The following YIPF7 variants were observed in gnomAD, a reference collection of about 807,000 sequenced individuals.
YIPF7 encodes protein YIPF7.
A neutral mutation model predicts 27.2 loss-of-function variants in YIPF7; 35 were observed. That is an observed-to-expected ratio of 1.29 (90% CI 0.98 to 1.70). The LOEUF (loss-of-function observed/expected upper bound fraction) is 1.70, where lower values mean the gene tolerates loss of function less well. YIPF7 is among the 40% of genes most tolerant of loss of function. The pLI, the probability that YIPF7 is intolerant of heterozygous loss-of-function variation, is 0.00. For missense variants in YIPF7, 358 were observed against 303.7 expected (o/e 1.18, Z -1.33); for synonymous variants, 137 against 110.4 (o/e 1.24, Z -1.51).
intron 5 of YIPF7, among the ~76,000 whole-genome samples, 175 bp downstream of exon 5, chr4:44,624,426 C>G (rs1477688585): frequency 1.3e-5 from 2 of 152,078 alleles, no homozygotes; most frequent in African/African-American, 2.4e-5. Context: ...GAAGTAAGAA[C>G]AGCACCTGGG....
rs11461675 is a variant in YIPF7 at position 44,660,113 on chromosome 4, C to CAAAAAAA, written c.-2+329_-2+335dup. On this transcript the variant is annotated intron_variant, in intron 2 of 2. Coordinates refer to the YIPF7 transcript ENST00000508947. ...TGGGTGACAGAGCAAGACTCTGTCT[C>CAAAAAAA]AAAAAAAAAAAAAAAAAAAAAAACG... Among the ~76,000 whole-genome samples the CAAAAAAA allele has an allele frequency of 2.8e-3, 72 of 25,516 alleles. 13 individuals are homozygous for CAAAAAAA. Among genetic ancestry groups the CAAAAAAA allele is most frequent in the African/African-American group, 5.4e-3 (47 of 8,690 alleles). 16.7% of individuals were successfully genotyped at this position (25,516 alleles called of 152,430 possible).
chr4:44,658,622 G>A (rs1429422144), intron 2 of YIPF7, among the ~76,000 whole-genome samples: 8 of 152,144 alleles, frequency 5.3e-5, no homozygotes, highest in Admixed American at 5.2e-4. Flanking sequence ...TGTGCAAGAC[G>A]ATCCAATGGA....
intron 2 of YIPF7, among the ~76,000 whole-genome samples, chr4:44,640,386 A>C (rs906975991): frequency 3.3e-5 from 5 of 152,200 alleles, no homozygotes; most frequent in African/African-American, 9.7e-5. Context: ...TTGAGGGCCA[A>C]AGCCAGATGG....
At chr4:44,624,424 A>T (rs1435918457) in intron 5 of YIPF7, among the ~76,000 whole-genome samples, 177 bp downstream of exon 5, 1 of 152,144 alleles carries the variant, frequency 6.6e-6, no homozygotes, top group East Asian at 1.9e-4. Context: ...TTGAAGTAAG[A>T]ACAGCACCTG....
chr4:44,656,994 C>T (rs370383944), intron 2 of YIPF7, among the ~76,000 whole-genome samples: 1 of 152,094 alleles, frequency 6.6e-6, no homozygotes, highest in Admixed American at 6.6e-5. Context: ...AAATTCTTCA[C>T]AATGTTCTGT....
intron 2 of YIPF7, among the ~76,000 whole-genome samples, chr4:44,646,965 G>C (rs575442908): frequency 6.6e-6 from 1 of 152,276 alleles, no homozygotes; most frequent in Admixed American, 6.5e-5. Flanking sequence ...ATGAATAAAA[G>C]ATCAAATCTC....
intron 1 of YIPF7, among the ~76,000 whole-genome samples, chr4:44,651,064 T>G (rs1713723888): frequency 6.6e-6 from 1 of 152,220 alleles, no homozygotes. Context: ...ATGCTTATAA[T>G]AATCTATGGA....
chr4:44,649,142 A>G (rs1349841680), intron 2 of YIPF7, among the ~76,000 whole-genome samples: 2 of 152,192 alleles, frequency 1.3e-5, no homozygotes, highest in Non-Finnish European at 2.9e-5. Flanking sequence ...CTGAAACACA[A>G]GCAGAATCTC....
At chr4:44,635,755 A>C (rs1713092013) in intron 3 of YIPF7, among the ~76,000 whole-genome samples, 167 bp downstream of exon 3, 1 of 152,222 alleles carries the variant, frequency 6.6e-6, no homozygotes, top group African/African-American at 2.4e-5. Flanking sequence ...GCAAACATGC[A>C]ACAAACTTCC....
intron 2 of YIPF7, among the ~76,000 whole-genome samples, chr4:44,646,851 C>T (rs1392954753): frequency 1.3e-5 from 2 of 152,080 alleles, no homozygotes; most frequent in African/African-American, 4.8e-5. Flanking sequence ...GAAACAGAAG[C>T]TGAATGACTG....
intron 4 of YIPF7, among the ~76,000 whole-genome samples, chr4:44,626,901 G>C (rs954825852): frequency 3.4e-5 from 5 of 147,622 alleles, no homozygotes; most frequent in Admixed American, 1.4e-4. Context: ...TCAGCCTCCC[G>C]CGTAGCTGGG....
intron 2 of YIPF7, among the ~76,000 whole-genome samples, chr4:44,642,305 C>T (rs1713351955): frequency 6.6e-6 from 1 of 152,106 alleles, no homozygotes; most frequent in South Asian, 2.1e-4. Flanking sequence ...ACTAAAATTC[C>T]TCTACCACTT....
At chr4:44,658,239 T>C (rs1713953840) in intron 2 of YIPF7, among the ~76,000 whole-genome samples, 1 of 152,062 alleles carries the variant, frequency 6.6e-6, no homozygotes, top group Non-Finnish European at 1.5e-5. Flanking sequence ...AGTAATCTTA[T>C]AAGAAGAGGC....
intron 3 of YIPF7, among the ~76,000 whole-genome samples, chr4:44,631,938 C>G (rs575519538): frequency 6.6e-6 from 1 of 151,882 alleles, no homozygotes; most frequent in East Asian, 1.9e-4. Flanking sequence ...TTCCAAATAC[C>G]TTTTCCTCAG....
chr4:44,651,527 A>G, intron 1 of YIPF7, 27 bp downstream of exon 1: 1 of 1,508,592 alleles, frequency 6.6e-7, no homozygotes, highest in Non-Finnish European at 9.0e-7. Flanking sequence ...TTAAATGCCA[A>G]GTCTTTTAGA....
intron 2 of YIPF7, among the ~76,000 whole-genome samples, chr4:44,647,632 T>A (rs1713574520): frequency 6.6e-6 from 1 of 152,140 alleles, no homozygotes; most frequent in Non-Finnish European, 1.5e-5. Flanking sequence ...GCAGCCTGAC[T>A]AGTGCTAGGC....
chr4:44,638,910 C>CA, intron 2 of YIPF7, among the ~76,000 whole-genome samples: 1 of 152,152 alleles, frequency 6.6e-6, no homozygotes, highest in Non-Finnish European at 1.5e-5. Flanking sequence ...CTGCAAATGG[C>CA]AATCCAATTG....
intron 4 of YIPF7, among the ~76,000 whole-genome samples, chr4:44,628,190 A>G (rs1712740866): frequency 6.6e-6 from 1 of 152,152 alleles, no homozygotes; most frequent in African/African-American, 2.4e-5. Flanking sequence ...TCTAGTTGAT[A>G]TAGTGTTTGA....
At chr4:44,660,200 T>C (rs1408554593) in intron 2 of YIPF7, among the ~76,000 whole-genome samples, 1 of 149,050 alleles carries the variant, frequency 6.7e-6, no homozygotes, top group Non-Finnish European at 1.5e-5. Context: ...ATGATACACC[T>C]ATGCAATTGA....
Sources: allele counts gnomAD v4.1 joint callset (sites outside exome capture counted in the v4.1 genomes callset), GRCh38; gene constraint gnomAD v4.1.1; transcripts MANE v1.5; gene names NCBI Gene and HGNC (gene_info 2026-07-23, HGNC 2026-07-21).